PCNX2: variants seen among roughly 807,000 people sequenced by gnomAD.
PCNX2 encodes the protein pecanex-like protein 2.
In PCNX2, 168 loss-of-function variants were observed where a neutral mutation model predicts 223.8. That is an observed-to-expected ratio of 0.75 (90% CI 0.66 to 0.85). The LOEUF is 0.85. Among genes scored for constraint, PCNX2 ranks in the 40% least tolerant of loss-of-function variants. The pLI is 0.00. For synonymous variants in PCNX2, 1,006 were observed against 1,052.6 expected (o/e 0.96, Z 0.86); for missense variants, 2,507 against 2,675.5 (o/e 0.94, Z 1.39).
At chr1:233,237,771 T>G (rs1278853080) in intron 8 of PCNX2, among the ~76,000 whole-genome samples, 1 of 152,190 alleles carries the variant, frequency 6.6e-6, no homozygotes, top group Non-Finnish European at 1.5e-5. Flanking sequence ...CCAAGACTGT[T>G]GCTTTGGAAG....
chr1:233,257,962 G>A (rs1250980396), intron 5 of PCNX2, 66 bp downstream of exon 5: 73 of 1,519,976 alleles, frequency 4.8e-5, no homozygotes, highest in Non-Finnish European at 6.0e-5. Context: ...ATTACACAAG[G>A]CAAATGGCAA....
chr1:232,999,420 T>A, intron 30 of PCNX2, 41 bp from the exon 31 acceptor site: 1 of 1,529,728 alleles, frequency 6.5e-7, no homozygotes. Flanking sequence ...GCAGAAGGCC[T>A]GTGTTTTCCA....
At chr1:233,012,884 A>G (rs1670516882) in intron 28 of PCNX2, among the ~76,000 whole-genome samples, 1 of 152,210 alleles carries the variant, frequency 6.6e-6, no homozygotes, top group African/African-American at 2.4e-5. Flanking sequence ...GGTGCTACGA[A>G]TATCTCAAGA....
intron 15 of PCNX2, among the ~76,000 whole-genome samples, chr1:233,193,960 G>A (rs900234060): frequency 3.3e-5 from 5 of 151,784 alleles, no homozygotes; most frequent in African/African-American, 1.2e-4. Context: ...GGAGGCCCAA[G>A]AAGAAAAGAA....
chr1:233,265,213 T>A (rs1372032268), intron 1 of PCNX2, among the ~76,000 whole-genome samples: 1 of 149,746 alleles, frequency 6.7e-6, no homozygotes, highest in Non-Finnish European at 1.5e-5. Flanking sequence ...ACTGTACTCC[T>A]CCTGCCTGTG....
chr1:233,173,116 C>T (rs1679256975), intron 17 of PCNX2, among the ~76,000 whole-genome samples: 1 of 151,400 alleles, frequency 6.6e-6, no homozygotes, highest in Non-Finnish European at 1.5e-5. Context: ...TAATCCCATT[C>T]TCTGATCTTG....
At chr1:233,272,294 GAAA>G (rs35023237) in intron 1 of PCNX2, among the ~76,000 whole-genome samples, 1 of 120,484 alleles carries the variant, frequency 8.3e-6, no homozygotes. Flanking sequence ...CAATTAGCAA[GAAA>G]AAAAAAAAAA....
intron 8 of PCNX2, 97 bp from the exon 9 acceptor site, chr1:233,237,077 C>A: frequency 6.7e-7 from 1 of 1,482,102 alleles, no homozygotes. Flanking sequence ...ATGCCCAAAG[C>A]AGGTAGTGGA....
At position 233,129,516 on chromosome 1, in the gene PCNX2, G is replaced by C. The variant is rs1434624464; in HGVS notation, c.3837+5497C>G. On this transcript the variant is annotated intron_variant, in intron 21 of 33. Coordinates refer to ENST00000258229, the MANE Select transcript of PCNX2 (RefSeq NM_014801.4). ...GCTGAAGAGTGTGGGTTCACAGTGC[G>C]GGACTGGCAGGCAGCTCCACCTGCG... Among the ~76,000 whole-genome samples the C allele has an allele frequency of 2.0e-5, 3 of 152,206 alleles. 1 individual carries two copies. The highest frequency in any genetic ancestry group is 7.2e-5 in the African/African-American group (3 of 41,464).
intron 18 of PCNX2, 135 bp downstream of exon 18, chr1:233,161,136 C>A: frequency 1.4e-6 from 1 of 705,678 alleles, no homozygotes; most frequent in South Asian, 1.8e-5. Flanking sequence ...TGGATTCATT[C>A]CCTAAGCCTC....
chr1:233,160,424 T>C lies in PCNX2; in HGVS notation c.3376A>G (p.Ser1126Gly). The C allele has an allele frequency of 6.2e-7, 1 of 1,613,568 alleles. No individual in the cohort carries two copies. The highest frequency in any genetic ancestry group is 8.5e-7 in the Non-Finnish European group (1 of 1,179,584). The part of the protein sequence containing the change: ...TVFLSLRPFL[S>G]IVLFALAGAV... ...CCAGCCAAGGCAAACAGCACGATGCTGAGAAATGGCTGCGATAAAAATGGG... is the reference window on the plus strand; with the variant it reads ...CCAGCCAAGGCAAACAGCACGATGCCGAGAAATGGCTGCGATAAAAATGGG... The change falls in exon 19 of 34, where the codon AGC (serine) becomes GGC (glycine). Residue 1126 changes from serine to glycine, a missense_variant. Physicochemically the swap from Ser to Gly is moderately conservative, Grantham distance 56 (BLOSUM62 0). Around this residue, in one of 3 missense-constraint regions of PCNX2, gnomAD observed 1,372 missense variants for 1,509.4 expected, o/e 0.91. Transcript: ENST00000258229.
intron 19 of PCNX2, among the ~76,000 whole-genome samples, chr1:233,141,250 G>A (rs1677094386): frequency 6.6e-6 from 1 of 152,162 alleles, no homozygotes; most frequent in South Asian, 2.1e-4. Context: ...ATCTCAGGAA[G>A]TATCATAAAC....
chr1:233,186,431 T>G (rs188362171), intron 15 of PCNX2, among the ~76,000 whole-genome samples: 196 of 152,170 alleles, frequency 1.3e-3, no homozygotes, highest in Non-Finnish European at 2.3e-3. Context: ...GTGCTCTCTC[T>G]TCTTACTTCA....
intron 1 of PCNX2, among the ~76,000 whole-genome samples, chr1:233,293,603 AAATT>A (rs1196406384): frequency 1.3e-5 from 2 of 152,212 alleles, no homozygotes; most frequent in Non-Finnish European, 2.9e-5. Flanking sequence ...GGGAGAAGAG[AAATT>A]AATTCTAGCT....
At chr1:233,224,405 T>C (rs1657573871) in intron 10 of PCNX2, among the ~76,000 whole-genome samples, 1 of 152,218 alleles carries the variant, frequency 6.6e-6, no homozygotes, top group African/African-American at 2.4e-5. Flanking sequence ...AAAACATTTT[T>C]AAGGAAGAAC....
chr1:233,156,613 G>A (rs982550838), intron 19 of PCNX2, among the ~76,000 whole-genome samples: 2 of 152,064 alleles, frequency 1.3e-5, no homozygotes, highest in Non-Finnish European at 2.9e-5. Flanking sequence ...CTTCTCTGGA[G>A]GGGCCGATTT....
At chr1:233,087,163 T>G in intron 23 of PCNX2, 2 of 985,392 alleles carry the variant, frequency 2.0e-6, no homozygotes, top group Non-Finnish European at 2.4e-6. Flanking sequence ...TTAAAATGGT[T>G]TTGTTACACT....
At chr1:233,080,935 G>T (rs1449723990) in intron 23 of PCNX2, among the ~76,000 whole-genome samples, 3 of 152,178 alleles carry the variant, frequency 2.0e-5, no homozygotes, top group Non-Finnish European at 2.9e-5. Context: ...TTAGCTCCCA[G>T]TTAAAATAAG....
intron 19 of PCNX2, among the ~76,000 whole-genome samples, chr1:233,142,501 C>G (rs1165364696): frequency 2.0e-5 from 3 of 152,222 alleles, no homozygotes; most frequent in Non-Finnish European, 4.4e-5. Flanking sequence ...AACACTAGCT[C>G]TTTCCCAAGG....
Sources: allele counts gnomAD v4.1 joint callset (sites outside exome capture counted in the v4.1 genomes callset), GRCh38; gene constraint gnomAD v4.1.1; regional missense constraint gnomAD v4.1.1; transcripts MANE v1.5; gene names NCBI Gene and HGNC (gene_info 2026-07-23, HGNC 2026-07-21).